ATXN7L1: variants seen among roughly 807,000 people sequenced by gnomAD.
ATXN7L1 encodes ataxin 7 like 1.
In ATXN7L1, 15 loss-of-function variants were observed where a neutral mutation model predicts 70.8. The observed-to-expected ratio is 0.21, with a 90% CI of 0.14 to 0.33. The LOEUF is 0.33. ATXN7L1 is among the 10% of genes least tolerant of loss of function. The pLI is 1.00. For synonymous variants in ATXN7L1, 440 were observed against 445.1 expected, an observed-to-expected ratio of 0.99 and a Z score of 0.14; for missense variants, 975 against 1,097.1, an observed-to-expected ratio of 0.89 and a Z score of 1.57.
intron 2 of ATXN7L1, among the ~76,000 whole-genome samples, chr7:105,853,130 G>T (rs1815127203): frequency 6.6e-6 from 1 of 152,184 alleles, no homozygotes; most frequent in Non-Finnish European, 1.5e-5. Flanking sequence ...TGATAGAAAA[G>T]TTCTGGAAAT....
chr7:105,850,271 T>C (rs2116628289), intron 2 of ATXN7L1, among the ~76,000 whole-genome samples: 1 of 152,330 alleles, frequency 6.6e-6, no homozygotes, highest in African/African-American at 2.4e-5. Context: ...CCAGATGTCA[T>C]TTCCTCATGC....
In ATXN7L1 at chr7:105,772,063, ATTTTTTTTT is replaced by A. The variant is rs533366742; in HGVS notation, c.355+16532_355+16540del. On this transcript the variant is annotated intron_variant, in intron 3 of 11. Transcript: ENST00000419735. ...TATTAAAAGACAATATCAGATTGGA[ATTTTTTTTT>A]TTTTTTTTTTTTTTTTTTTGAGACA... Among the ~76,000 whole-genome samples, 18 of 99,826 alleles carry A rather than the reference ATTTTTTTTT, an allele frequency of 1.8e-4. 1 individual carries two copies. The highest frequency in any genetic ancestry group is 1.3e-3 in the South Asian group (4 of 3,194). The allele number at this position is 99,826 out of a possible 152,430, so 65.5% of individuals were successfully genotyped here.
intron 2 of ATXN7L1, among the ~76,000 whole-genome samples, chr7:105,858,657 G>A (rs1170557497): frequency 6.6e-6 from 1 of 152,158 alleles, no homozygotes; most frequent in Non-Finnish European, 1.5e-5. Flanking sequence ...AGGGCACCCT[G>A]ATATCTTGTA....
chr7:105,862,876 T>C (rs1816843512), intron 2 of ATXN7L1, among the ~76,000 whole-genome samples: 1 of 152,168 alleles, frequency 6.6e-6, no homozygotes, highest in African/African-American at 2.4e-5. Flanking sequence ...ATTCTGTGCC[T>C]TTCCCAGCCA....
intron 3 of ATXN7L1, among the ~76,000 whole-genome samples, chr7:105,771,354 G>A (rs970754052): frequency 2.0e-5 from 3 of 152,126 alleles, no homozygotes; most frequent in Non-Finnish European, 4.4e-5. Context: ...CAAGCAGGGA[G>A]GAGGAGCCCC....
chr7:105,863,800 C>T (rs1816980551), intron 2 of ATXN7L1, among the ~76,000 whole-genome samples: 1 of 152,130 alleles, frequency 6.6e-6, no homozygotes, highest in Non-Finnish European at 1.5e-5. Flanking sequence ...GCACATTTAG[C>T]CCTGTGCCTG....
At chr7:105,641,461 A>G (rs1386099699) in intron 5 of ATXN7L1, among the ~76,000 whole-genome samples, 3 of 152,024 alleles carry the variant, frequency 2.0e-5, no homozygotes, top group Non-Finnish European at 4.4e-5. Context: ...GGCAGAAACA[A>G]GCAAAAGACC....
intron 3 of ATXN7L1, among the ~76,000 whole-genome samples, chr7:105,702,573 T>TAC (rs1312248897): frequency 1.3e-5 from 2 of 150,412 alleles, no homozygotes; most frequent in South Asian, 2.1e-4. Context: ...CAGACACACA[T>TAC]ACACACACAC....
intron 10 of ATXN7L1, 55 bp from the exon 11 acceptor site, chr7:105,610,658 C>G (rs1793063582): frequency 3.5e-6 from 5 of 1,435,926 alleles, no homozygotes; most frequent in Non-Finnish European, 3.8e-6. Flanking sequence ...TGGGAAGGGC[C>G]CGCCGATGCC....
chr7:105,865,464 C>T (rs1352413652), intron 2 of ATXN7L1, among the ~76,000 whole-genome samples: 2 of 151,402 alleles, frequency 1.3e-5, no homozygotes, highest in Admixed American at 6.6e-5. Context: ...TGCAGTGGCG[C>T]GATCTCAGCT....
rs1792757804 is a variant in ATXN7L1, at chr7:105,606,201, C to A, written c.*1651G>T. 1 of 152,140 alleles carries A rather than the reference C, an allele frequency of 6.6e-6. No homozygotes were observed. The highest frequency in any genetic ancestry group is 2.4e-5 in the African/African-American group (1 of 41,440). The allele number at this position is 152,140 out of a possible 1,614,324, so 9.4% of individuals were successfully genotyped here. A position where few individuals can be genotyped will look rare whatever the true frequency, so the allele number is the denominator to read the frequency against. ...GAACTAATGTCCTGGTACTTAATAT[C>A]AACTCCTGATTTTTAAACAAATCAT... On this transcript the variant is annotated 3_prime_UTR_variant, in exon 12 of 12. Transcript: ENST00000419735.
intron 3 of ATXN7L1, among the ~76,000 whole-genome samples, chr7:105,758,097 A>G (rs1800033579): frequency 6.6e-6 from 1 of 151,854 alleles, no homozygotes; most frequent in South Asian, 2.1e-4. Flanking sequence ...AAAACCCCTC[A>G]TGGACTGCTC....
intron 3 of ATXN7L1, among the ~76,000 whole-genome samples, chr7:105,750,648 C>A (rs2116385207): frequency 6.6e-6 from 1 of 152,112 alleles, no homozygotes; most frequent in South Asian, 2.1e-4. Context: ...CTAAAAAATA[C>A]AAAAATTAGC....
At chr7:105,721,272 A>C (rs1795151559) in intron 3 of ATXN7L1, among the ~76,000 whole-genome samples, 1 of 152,166 alleles carries the variant, frequency 6.6e-6, no homozygotes, top group South Asian at 2.1e-4. Context: ...GACTCTGTTC[A>C]TGGCCATCAT....
At chr7:105,670,440 G>A (rs1803367144) in intron 3 of ATXN7L1, among the ~76,000 whole-genome samples, 1 of 152,148 alleles carries the variant, frequency 6.6e-6, no homozygotes, top group Non-Finnish European at 1.5e-5. Flanking sequence ...GAGAAAAAGA[G>A]CACTTTCCTC....
At chr7:105,738,761 C>T (rs181419496) in intron 3 of ATXN7L1, among the ~76,000 whole-genome samples, 1 of 152,310 alleles carries the variant, frequency 6.6e-6, no homozygotes, top group East Asian at 1.9e-4. Flanking sequence ...ATTTTTCTTA[C>T]TACACCTACC....
intron 3 of ATXN7L1, among the ~76,000 whole-genome samples, chr7:105,752,523 C>T (rs932509726): frequency 2.6e-5 from 4 of 152,178 alleles, no homozygotes; most frequent in Non-Finnish European, 4.4e-5. Flanking sequence ...CACCCTCTGA[C>T]TATCATTCCC....
intron 4 of ATXN7L1, among the ~76,000 whole-genome samples, chr7:105,650,479 G>A (rs938404732): frequency 1.3e-5 from 2 of 152,210 alleles, no homozygotes; most frequent in Non-Finnish European, 2.9e-5. Flanking sequence ...AATCTCTCCT[G>A]GCCTTTGCAC....
intron 3 of ATXN7L1, among the ~76,000 whole-genome samples, chr7:105,779,242 C>T (rs935210664): frequency 9.2e-5 from 14 of 152,170 alleles, no homozygotes; most frequent in African/African-American, 3.1e-4. Context: ...AAAGATAACA[C>T]GACCAGATAT....
Sources: gnomAD v4.1 joint callset for allele counts (sites outside exome capture counted in the v4.1 genomes callset) on GRCh38, gnomAD v4.1.1 for gene constraint, MANE v1.5 for transcripts, NCBI Gene and HGNC (gene_info 2026-07-23, HGNC 2026-07-21) for gene names.